P2RY14: variants seen among roughly 807,000 people sequenced by gnomAD.
P2RY14 encodes P2Y purinoceptor 14.
A neutral mutation model predicts 0.9 loss-of-function variants in P2RY14; 2 were observed. That is an observed-to-expected ratio of 2.16 (90% CI 0.88 to 6.79). P2RY14 has a LOEUF of 6.79. Ranked by LOEUF, P2RY14 falls within the 30% of genes most tolerant of loss-of-function variation. The probability of loss-of-function intolerance (pLI) is 0.05; values close to 1 mark genes in which losing one functional copy is unlikely to be tolerated. For synonymous variants in P2RY14, 158 were observed against 147.2 expected (o/e 1.07, Z -0.53); for missense variants, 378 against 400.1 (o/e 0.94, Z 0.47).
intron 1 of P2RY14, among the ~76,000 whole-genome samples, chr3:151,254,994 C>T (rs1293338087): frequency 1.3e-5 from 2 of 151,964 alleles, no homozygotes; most frequent in African/African-American, 4.8e-5. Context: ...TTGTAGTTTT[C>T]CCAGAAACTT....
rs1156665857 is a variant in P2RY14, at chr3:151,247,408, G to A, written c.-132-27766C>T. Among the ~76,000 whole-genome samples, 876 of 151,984 alleles carry A rather than the reference G, an allele frequency of 5.8e-3. 2 individuals are homozygous for A. The highest frequency in any genetic ancestry group is 7.2e-3 in the Non-Finnish European group (491 of 67,906). On this transcript the variant is annotated intron_variant, in intron 1 of 2. Coordinates refer to ENST00000309170, the MANE Select transcript of P2RY14 (RefSeq NM_014879.4). ...ACTGGATTAAGAAAATGTGGCACAT[G>A]TACACCATGGAATACTATGCAGCCA...
At chr3:151,244,543 G>C (rs530681966) in intron 1 of P2RY14, among the ~76,000 whole-genome samples, 1 of 150,688 alleles carries the variant, frequency 6.6e-6, no homozygotes, top group Non-Finnish European at 1.5e-5. Flanking sequence ...AATGAAGGCA[G>C]AAATAAAGAT....
chr3:151,231,909 A>G (rs898742577), intron 1 of P2RY14, among the ~76,000 whole-genome samples: 20 of 152,208 alleles, frequency 1.3e-4, no homozygotes, highest in African/African-American at 4.8e-4. Flanking sequence ...ACAAGAAAAC[A>G]AAGTGTTATG....
chr3:151,242,091 G>C (rs1315264326), intron 1 of P2RY14, among the ~76,000 whole-genome samples: 1 of 152,246 alleles, frequency 6.6e-6, no homozygotes, highest in African/African-American at 2.4e-5. Context: ...GGCACCACGA[G>C]ATTATATCCC....
In P2RY14 at chr3:151,249,664, T is replaced by A. The variant is rs539462114; in HGVS notation, c.-133+28623A>T. Among the ~76,000 whole-genome samples the A allele has an allele frequency of 2.6e-3, 389 of 152,300 alleles. 1 individual carries two copies. The highest frequency in any genetic ancestry group is 9.1e-3 in the African/African-American group (378 of 41,572). On this transcript the variant is annotated intron_variant, in intron 1 of 2. Coordinates refer to ENST00000309170, the MANE Select transcript of P2RY14 (RefSeq NM_014879.4). ...ATCCTGACACATTTCCAGCCTTGAA[T>A]GGGGGCTTTTGGGTCTCCAATCATT...
rs921245540 is a variant in P2RY14, at chr3:151,225,797, C to T, written c.-132-6155G>A. 4.6e-5 allele frequency among the ~76,000 whole-genome samples: 7 copies of T among 152,332 alleles called. No homozygotes were observed. The South Asian group carries it at 1.5e-3, about 32-fold the overall frequency. On this transcript the variant is annotated intron_variant, in intron 1 of 2. Transcript: ENST00000309170. The stretch of plus-strand genomic sequence containing the variant: ...AGCATTTGATGTTTGACACTCACCA[C>T]ACTTCTCAGAAGCTGTCAGGGACCT...
At chr3:151,233,823 G>C (rs747418538) in intron 1 of P2RY14, among the ~76,000 whole-genome samples, 1 of 152,176 alleles carries the variant, frequency 6.6e-6, no homozygotes, top group African/African-American at 2.4e-5. Flanking sequence ...TCTGCCATCC[G>C]CCTTTCTCCG....
At chr3:151,233,460 G>C (rs1210109165) in intron 1 of P2RY14, among the ~76,000 whole-genome samples, 1 of 152,250 alleles carries the variant, frequency 6.6e-6, no homozygotes. Flanking sequence ...TGGGCCGGGC[G>C]TGATGGCTCC....
chr3:151,277,136 CT>C (rs1165599365), intron 1 of P2RY14, among the ~76,000 whole-genome samples: 1 of 151,512 alleles, frequency 6.6e-6, no homozygotes, highest in Non-Finnish European at 1.5e-5. Flanking sequence ...TGACCAGCCT[CT>C]CCTGAGGCCA....
At chr3:151,230,837 C>T (rs1351795573) in intron 1 of P2RY14, among the ~76,000 whole-genome samples, 1 of 152,166 alleles carries the variant, frequency 6.6e-6, no homozygotes, top group African/African-American at 2.4e-5. Flanking sequence ...GTAGTGACTT[C>T]CCACTGTCAG....
intron 1 of P2RY14, among the ~76,000 whole-genome samples, chr3:151,272,331 A>G (rs1019855672): frequency 3.3e-5 from 5 of 152,350 alleles, no homozygotes; most frequent in African/African-American, 1.2e-4. Flanking sequence ...GTTTTTGGAC[A>G]AATAAACATA....
At chr3:151,252,355 A>G (rs1276301557) in intron 1 of P2RY14, among the ~76,000 whole-genome samples, 9 of 152,234 alleles carry the variant, frequency 5.9e-5, no homozygotes, top group African/African-American at 1.2e-4. Flanking sequence ...CCTATTGCTC[A>G]TGGTCATCGC....
intron 1 of P2RY14, among the ~76,000 whole-genome samples, chr3:151,223,175 CAA>C (rs10646837): frequency 7.9e-6 from 1 of 127,116 alleles, no homozygotes. Context: ...TTAAAAAGTC[CAA>C]AAAAAAAAAA....
intron 2 of P2RY14, among the ~76,000 whole-genome samples, chr3:151,214,547 C>T (rs943738626): frequency 1.3e-5 from 2 of 151,844 alleles, no homozygotes; most frequent in Admixed American, 6.6e-5. Context: ...CTTTCCCTCC[C>T]TCTTTCCCCC....
chr3:151,229,229 G>A (rs1253372481), intron 1 of P2RY14, among the ~76,000 whole-genome samples: 1 of 151,250 alleles, frequency 6.6e-6, no homozygotes. Flanking sequence ...TCCCTGTTTT[G>A]TGTATTAATC....
intron 1 of P2RY14, among the ~76,000 whole-genome samples, chr3:151,260,559 G>C (rs7621211): frequency 0.47 from 71,205 of 151,830 alleles, 16,828 homozygotes; most frequent in Middle Eastern, 0.65. Context: ...CAATGTTGCC[G>C]TGGTCGGTCT....
chr3:151,238,100 T>G (rs535977751), intron 1 of P2RY14, among the ~76,000 whole-genome samples: 1 of 152,316 alleles, frequency 6.6e-6, no homozygotes, highest in East Asian at 1.9e-4. Context: ...TCTTAAAACT[T>G]TTCTGTCCTA....
chr3:151,237,350 C>CTTTTTT (rs57239604), intron 1 of P2RY14, among the ~76,000 whole-genome samples: 3 of 94,598 alleles, frequency 3.2e-5, no homozygotes, highest in South Asian at 4.3e-4. Context: ...TTTTTTTTTT[C>CTTTTTT]TTTTTTTTTT....
intron 1 of P2RY14, among the ~76,000 whole-genome samples, chr3:151,230,624 C>T (rs1205832420): frequency 6.8e-6 from 1 of 148,132 alleles, no homozygotes; most frequent in African/African-American, 2.5e-5. Flanking sequence ...TCTTTGAACT[C>T]TATGTGTTAT....
Sources: allele counts gnomAD v4.1 joint callset (sites outside exome capture counted in the v4.1 genomes callset), GRCh38; gene constraint gnomAD v4.1.1; transcripts MANE v1.5; gene names NCBI Gene and HGNC (gene_info 2026-07-23, HGNC 2026-07-21).